DNAJC10: variants seen among roughly 807,000 people sequenced by gnomAD.
DNAJC10 encodes endoplasmic reticulum disulfide reductase DNAJC10.
In DNAJC10, 101 loss-of-function variants were observed where a neutral mutation model predicts 115.0. The ratio of observed to expected loss-of-function variants is 0.88; its 90% CI spans 0.75 to 1.04. DNAJC10 has a LOEUF of 1.04. Among genes scored for constraint, DNAJC10 ranks in the 50% least tolerant of loss-of-function variants. The pLI is 0.00. For synonymous variants in DNAJC10, 307 were observed against 301.5 expected (o/e 1.02, Z -0.19); for missense variants, 981 against 928.8 (o/e 1.06, Z -0.73).
chr2:182,779,075 G>C lies in DNAJC10; in HGVS notation c.*1943G>C, dbSNP rs535376725. ...TTGTTAGTTGTTGAGAAACATTTTA[G>C]GCAGTAAATAAAATAGTAAATATTA... is the stretch of plus-strand genomic sequence containing the variant. On this transcript the variant is annotated 3_prime_UTR_variant, in exon 24 of 24. Coordinates refer to ENST00000264065, the MANE Select transcript of DNAJC10 (RefSeq NM_018981.4). 6.6e-6 allele frequency: 1 copy of C among 152,194 alleles called. No homozygotes were observed. The highest frequency in any genetic ancestry group is 2.4e-5 in the African/African-American group (1 of 41,514). 9.4% of individuals were successfully genotyped at this position (152,194 alleles called of 1,614,324 possible). A position where few individuals can be genotyped will look rare whatever the true frequency, so the allele number is the denominator to read the frequency against.
intron 5 of DNAJC10, among the ~76,000 whole-genome samples, chr2:182,726,857 G>A (rs976423545): frequency 1.3e-5 from 2 of 151,816 alleles, no homozygotes; most frequent in African/African-American, 2.4e-5. Flanking sequence ...TCAGTCTCCC[G>A]ACTAGCTGAG....
rs1228634295 is a variant in DNAJC10, at chr2:182,775,459, G to A, written c.2370+39G>A. 2.3e-6 allele frequency: 3 copies of A among 1,290,670 alleles called. No homozygotes were observed. The South Asian group carries it at 3.8e-5, about 16-fold the overall frequency. 80.0% of individuals were successfully genotyped at this position (1,290,670 alleles called of 1,614,324 possible). ...CTAGAGTTGACTTTGGCAAAAGTTG[G>A]CAAAAGTTAGCAAAATCTATTTTTC... On this transcript the variant is annotated intron_variant, in intron 23 of 23. Coordinates refer to ENST00000264065, the MANE Select transcript of DNAJC10 (RefSeq NM_018981.4).
At chr2:182,718,849 C>T (rs530096773) in intron 3 of DNAJC10, among the ~76,000 whole-genome samples, 1 of 152,118 alleles carries the variant, frequency 6.6e-6, no homozygotes, top group Admixed American at 6.5e-5. Context: ...AAACTAAACT[C>T]ATTTTAATTT....
At position 182,787,660 on chromosome 2, in the gene DNAJC10, C is replaced by T. The variant is rs1234791604; in HGVS notation, c.*10528C>T. The stretch of plus-strand genomic sequence containing the variant: ...TGAGGCCAGGTGCGGTGGCTCACAC[C>T]TGTAACTCCAGCACTTTGGAAGGCC... On this transcript the variant is annotated 3_prime_UTR_variant, in exon 24 of 24. Coordinates refer to ENST00000264065, the MANE Select transcript of DNAJC10 (RefSeq NM_018981.4). 1 of 152,302 alleles carries T rather than the reference C, an allele frequency of 6.6e-6. No individual in the cohort carries two copies. Among genetic ancestry groups the T allele is most frequent in the Non-Finnish European group, 1.5e-5 (1 of 68,150 alleles). The allele number at this position is 152,302 out of a possible 1,614,324, so 9.4% of individuals were successfully genotyped here.
intron 16 of DNAJC10, among the ~76,000 whole-genome samples, chr2:182,753,849 T>A (rs992093461): frequency 2.0e-5 from 3 of 152,196 alleles, no homozygotes; most frequent in Non-Finnish European, 4.4e-5. Flanking sequence ...CCCAAAGTTC[T>A]GGGATTACAG....
At position 182,780,701 on chromosome 2, in the gene DNAJC10, A is replaced by G. The variant is rs944395644; in HGVS notation, c.*3569A>G. ...CATTTTTCTGTTTAACACTGAATTTACACTTAGATTCTTGTACTGTCACTG... is the reference window on the plus strand; with the variant it reads ...CATTTTTCTGTTTAACACTGAATTTGCACTTAGATTCTTGTACTGTCACTG... On this transcript the variant is annotated 3_prime_UTR_variant, in exon 24 of 24. Transcript: ENST00000264065. 6.6e-6 allele frequency: 1 copy of G among 152,168 alleles called. No homozygotes were observed. Among genetic ancestry groups the G allele is most frequent in the African/African-American group, 2.4e-5 (1 of 41,456 alleles). The allele number at this position is 152,168 out of a possible 1,614,324, so 9.4% of individuals were successfully genotyped here.
chr2:182,751,543 A>T (rs1341158226), intron 14 of DNAJC10, 115 bp from the exon 15 acceptor site: 1 of 1,262,186 alleles, frequency 7.9e-7, no homozygotes, highest in African/African-American at 1.5e-5. Flanking sequence ...CCTCACCAAA[A>T]TCAATTTGTT....
chr2:182,753,732 G>A (rs186605536), intron 16 of DNAJC10, among the ~76,000 whole-genome samples: 143 of 151,674 alleles, frequency 9.4e-4, no homozygotes, highest in African/African-American at 3.2e-3. Context: ...ACAGGCACCC[G>A]CCACCACGTC....
intron 9 of DNAJC10, among the ~76,000 whole-genome samples, 174 bp downstream of exon 9, chr2:182,731,281 G>C (rs1370934801): frequency 4.0e-5 from 6 of 151,770 alleles, no homozygotes; most frequent in Non-Finnish European, 7.4e-5. Context: ...TTACACATGA[G>C]GTTATTATTC....
chr2:182,741,991 G>A (rs1217599744), intron 13 of DNAJC10, among the ~76,000 whole-genome samples: 1 of 151,802 alleles, frequency 6.6e-6, no homozygotes, highest in African/African-American at 2.4e-5. Context: ...CTGTAAAAAT[G>A]CATATATATT....
At chr2:182,748,266 C>T (rs1217205339) in intron 14 of DNAJC10, among the ~76,000 whole-genome samples, 3 of 151,638 alleles carry the variant, frequency 2.0e-5, no homozygotes, top group African/African-American at 7.3e-5. Context: ...GGGAGGATTC[C>T]CTCTTTTTCT....
intron 20 of DNAJC10, 63 bp from the exon 21 acceptor site, chr2:182,759,097 T>C (rs1694227754): frequency 2.2e-6 from 3 of 1,373,524 alleles, no homozygotes; most frequent in East Asian, 2.3e-5. Context: ...TACAATATTA[T>C]TGCATTTCAT....
chr2:182,783,742 G>A lies in DNAJC10; in HGVS notation c.*6610G>A, dbSNP rs972396157. The A allele has an allele frequency of 1.3e-5, 2 of 151,988 alleles. No individual in the cohort carries two copies. The highest frequency in any genetic ancestry group is 2.4e-5 in the African/African-American group (1 of 41,376). 9.4% of individuals were successfully genotyped at this position (151,988 alleles called of 1,614,324 possible). On this transcript the variant is annotated 3_prime_UTR_variant, in exon 24 of 24. Coordinates refer to ENST00000264065, the MANE Select transcript of DNAJC10 (RefSeq NM_018981.4). ...TGTTTATATATATTTTTCAGACTTGGAACAGCAGTATCTCATGTTTTACTA... is the reference window on the plus strand; with the variant it reads ...TGTTTATATATATTTTTCAGACTTGAAACAGCAGTATCTCATGTTTTACTA...
In DNAJC10 at chr2:182,756,347, C is replaced by T; in HGVS notation, c.1687C>T (p.Pro563Ser). The stretch of plus-strand genomic sequence containing the variant: ...GAATCCTTCAGTGGTCTCCCTTACA[C>T]CCACCACCTTCAACGAACTAGTTAC... The part of the protein sequence containing the change: ...LMNPSVVSLT[P>S]TTFNELVTQR... Residue 563 changes from proline to serine, a missense_variant, in exon 18 of 24, where the codon CCC becomes TCC. Physicochemically the swap from Pro to Ser is moderately conservative, Grantham distance 74. Transcript: ENST00000264065. 1.2e-6 allele frequency: 2 copies of T among 1,613,872 alleles called. No individual in the cohort carries two copies. The highest frequency in any genetic ancestry group is 1.7e-4 in the Middle Eastern group (1 of 6,058).
chr2:182,742,783 C>T (rs1471211817), intron 13 of DNAJC10, among the ~76,000 whole-genome samples: 2 of 151,780 alleles, frequency 1.3e-5, no homozygotes, highest in East Asian at 1.9e-4. Flanking sequence ...TTAATTTTCT[C>T]TTTATATCTG....
intron 14 of DNAJC10, among the ~76,000 whole-genome samples, chr2:182,746,072 C>A (rs1485889346): frequency 6.6e-6 from 1 of 152,052 alleles, no homozygotes; most frequent in Non-Finnish European, 1.5e-5. Flanking sequence ...TGAACTCATC[C>A]TTTTTTATGG....
rs991313504 is a variant in DNAJC10 at position 182,782,188 on chromosome 2, A to G, written c.*5056A>G. 6.6e-6 allele frequency: 1 copy of G among 152,094 alleles called. No homozygotes were observed. Among genetic ancestry groups the G allele is most frequent in the Non-Finnish European group, 1.5e-5 (1 of 68,038 alleles). The allele number at this position is 152,094 out of a possible 1,614,324, so 9.4% of individuals were successfully genotyped here. ...GTGGCTAGCCTGTTTTCCCAACATC[A>G]TTTATTAAATAGGGAATCCTTTCCC... is the stretch of plus-strand genomic sequence containing the variant. On this transcript the variant is annotated 3_prime_UTR_variant, in exon 24 of 24. Transcript: ENST00000264065.
rs765301178 is a variant in DNAJC10, at chr2:182,718,157, T to C, written c.71T>C (p.Val24Ala). Reference protein sequence around the residue: ...LKRIILCFLIVYMAILVGTDQ... With the variant: ...LKRIILCFLIAYMAILVGTDQ... ...AGGATCATTCTCTGTTTTCTGATAG[T>C]GTATATGGCCATTTTAGTGGGCACA... Residue 24 changes from valine (V) to alanine (A), a missense_variant, in exon 3 of 24, where the codon GTG (valine) becomes GCG (alanine). Physicochemically the swap from Val to Ala is moderately conservative, Grantham distance 64. Transcript: ENST00000264065. 1.9e-6 allele frequency: 3 copies of C among 1,613,462 alleles called. No individual in the cohort carries two copies. Among genetic ancestry groups the C allele is most frequent in the Non-Finnish European group, 2.5e-6 (3 of 1,179,744 alleles).
chr2:182,770,404 G>A (rs994921251), intron 22 of DNAJC10, among the ~76,000 whole-genome samples: 2 of 152,068 alleles, frequency 1.3e-5, no homozygotes, highest in Non-Finnish European at 2.9e-5. Flanking sequence ...ATTACTTTGG[G>A]CAGTATGGCC....
Sources: allele counts gnomAD v4.1 joint callset (sites outside exome capture counted in the v4.1 genomes callset), GRCh38; gene constraint gnomAD v4.1.1; transcripts MANE v1.5; gene names NCBI Gene and HGNC (gene_info 2026-07-23, HGNC 2026-07-21).